The following MBP variants were observed in gnomAD, a reference collection of about 807,000 sequenced individuals.
The protein encoded by MBP is Golli-MBP.
In MBP, 16 loss-of-function variants were observed where a neutral mutation model predicts 35.8. That is an observed-to-expected ratio of 0.45 (90% CI 0.30 to 0.68). The LOEUF (loss-of-function observed/expected upper bound fraction) is 0.68, where lower values mean the gene tolerates loss of function less well. Ranked by LOEUF, MBP falls within the 30% of genes least tolerant of loss-of-function variation. The pLI, the probability that MBP is intolerant of heterozygous loss-of-function variation, is 0.08. For synonymous variants in MBP, 143 were observed against 159.6 expected (o/e 0.90, Z 0.78); for missense variants, 380 against 404.7 (o/e 0.94, Z 0.52).
intron 3 of MBP, among the ~76,000 whole-genome samples, chr18:77,022,933 C>T (rs1675828235): frequency 6.6e-6 from 1 of 152,214 alleles, no homozygotes; most frequent in Non-Finnish European, 1.5e-5. Context: ...CAGACTTTTA[C>T]ATTTGGATAT....
At chr18:77,027,451 C>CCCA (rs1208088811) in intron 3 of MBP, among the ~76,000 whole-genome samples, 1 of 152,222 alleles carries the variant, frequency 6.6e-6, no homozygotes, top group Non-Finnish European at 1.5e-5. Flanking sequence ...TCCCCCTGGG[C>CCCA]AGGGGCAGGG....
intron 2 of MBP, among the ~76,000 whole-genome samples, chr18:77,077,661 A>G (rs1018218985): frequency 2.0e-5 from 3 of 152,166 alleles, no homozygotes; most frequent in Non-Finnish European, 4.4e-5. Flanking sequence ...CGGTGGCCTC[A>G]GAAGGGCCTG....
In MBP at chr18:76,980,699, C is replaced by T. The variant is rs201862296; in HGVS notation, c.871-228G>A. ...TGTGAGAGAGAACTGGAATCGGATT[C>T]CCAGGCCCCAGGGAGTGGTGCCTGG... On this transcript the variant is annotated intron_variant, in intron 8 of 8. Coordinates refer to ENST00000355994, the MANE Select transcript of MBP (RefSeq NM_001025101.2). The T allele has an allele frequency of 4.4e-4, 244 of 552,540 alleles. 1 individual carries two copies. The East Asian group carries it at 5.3e-3, about 12-fold the overall frequency. 34.2% of individuals were successfully genotyped at this position (552,540 alleles called of 1,614,324 possible).
At chr18:77,110,785 C>T (rs1337704235) in intron 1 of MBP, among the ~76,000 whole-genome samples, 1 of 152,026 alleles carries the variant, frequency 6.6e-6, no homozygotes, top group Non-Finnish European at 1.5e-5. Context: ...CATGTTATAC[C>T]TAAACAGACA....
At chr18:77,086,479 C>T in intron 2 of MBP, among the ~76,000 whole-genome samples, 1 of 152,146 alleles carries the variant, frequency 6.6e-6, no homozygotes, top group Non-Finnish European at 1.5e-5. Context: ...GTAATCAAAT[C>T]AAGTTAGAAT....
intron 7 of MBP, chr18:76,985,099 G>T (rs9944893): frequency 3.9e-6 from 6 of 1,519,550 alleles, no homozygotes; most frequent in Non-Finnish European, 5.3e-6. Flanking sequence ...GGTGTTGGCC[G>T]CAGAGAGAGG....
In MBP at chr18:76,988,589, C is replaced by A; in HGVS notation, c.718-62G>T. On this transcript the variant is annotated intron_variant, in intron 6 of 8. Transcript: ENST00000355994. This position sits in a 1 kb window ranked among gnomAD's most constrained non-coding sequence, Gnocchi z 5.2. ...TCAGTGAAGGGAAAGTCCTTTCAAT[C>A]AACAGGAAACACAGTCAAAGCACAG... 6.4e-7 allele frequency: 1 copy of A among 1,573,286 alleles called. No homozygotes were observed. Among genetic ancestry groups the A allele is most frequent in the Non-Finnish European group, 8.6e-7 (1 of 1,160,486 alleles).
intron 2 of MBP, among the ~76,000 whole-genome samples, chr18:77,078,498 T>C (rs1283296591): frequency 2.0e-5 from 3 of 152,240 alleles, no homozygotes; most frequent in Admixed American, 6.5e-5. Context: ...AAACTGCTCA[T>C]CAGCTCCAGC....
intron 8 of MBP, 104 bp downstream of exon 8, chr18:76,984,671 G>T: frequency 6.6e-7 from 1 of 1,518,560 alleles, no homozygotes. Flanking sequence ...CCAGGGTACA[G>T]TGCGGCTGAG....
At chr18:77,082,018 A>AT (rs143059018) in intron 2 of MBP, among the ~76,000 whole-genome samples, 1 of 149,736 alleles carries the variant, frequency 6.7e-6, no homozygotes. Context: ...CGCCTGGCTA[A>AT]TTTTTTTGTA....
chr18:77,105,922 T>C (rs1976260222), intron 1 of MBP, among the ~76,000 whole-genome samples: 1 of 152,216 alleles, frequency 6.6e-6, no homozygotes, highest in South Asian at 2.1e-4. Context: ...TTTATGATTT[T>C]TCCCCAAGAT....
chr18:77,054,859 T>C (rs1486566526), intron 3 of MBP, among the ~76,000 whole-genome samples: 1 of 152,134 alleles, frequency 6.6e-6, no homozygotes. Flanking sequence ...CATGCACACA[T>C]CCTGTTTTCT....
At chr18:77,002,205 C>T (rs555370626) in intron 4 of MBP, among the ~76,000 whole-genome samples, 86 of 152,288 alleles carry the variant, frequency 5.6e-4, no homozygotes, top group Non-Finnish European at 8.4e-4. Context: ...GAGGCAACCA[C>T]GGCAGGGTCC....
At chr18:77,070,860 ACGT>A (rs1974412015) in intron 2 of MBP, among the ~76,000 whole-genome samples, 1 of 152,198 alleles carries the variant, frequency 6.6e-6, no homozygotes, top group African/African-American at 2.4e-5. Context: ...CACAGCCAGG[ACGT>A]CGGCGGGCGG....
chr18:77,022,194 C>T (rs1241729533), intron 3 of MBP, among the ~76,000 whole-genome samples: 1 of 152,178 alleles, frequency 6.6e-6, no homozygotes, highest in African/African-American at 2.4e-5. Context: ...CCTGCTCTCA[C>T]ATACATTACA....
intron 3 of MBP, among the ~76,000 whole-genome samples, chr18:77,054,625 C>T (rs1429453916): frequency 1.3e-5 from 2 of 152,176 alleles, no homozygotes; most frequent in Non-Finnish European, 2.9e-5. Context: ...TCAGAGCTTC[C>T]CTGGGTCCTT....
In MBP at chr18:77,101,132, C is replaced by T. The variant is rs1229875325; in HGVS notation, c.51+4079G>A. ...CTTACGTCCTAAGGACCAAGGACTG[C>T]CAGGCAGGCAAAGACTGCCTAAGAC... On this transcript the variant is annotated intron_variant, in intron 2 of 8. Transcript: ENST00000355994. The surrounding 1 kb of genome is among the most constrained non-coding windows in gnomAD (Gnocchi z 4.3). Among the ~76,000 whole-genome samples, 1 of 152,242 alleles carries T rather than the reference C, an allele frequency of 6.6e-6. No homozygotes were observed. Among genetic ancestry groups the T allele is most frequent in the African/African-American group, 2.4e-5 (1 of 41,470 alleles).
At chr18:77,010,851 A>T (rs1235398305) in intron 4 of MBP, among the ~76,000 whole-genome samples, 1 of 152,248 alleles carries the variant, frequency 6.6e-6, no homozygotes, top group African/African-American at 2.4e-5. Flanking sequence ...GCCCTGCAAG[A>T]AATGTCTATT....
intron 3 of MBP, among the ~76,000 whole-genome samples, chr18:77,041,162 G>C (rs1250352387): frequency 1.3e-5 from 2 of 152,160 alleles, no homozygotes; most frequent in South Asian, 4.2e-4. Flanking sequence ...ATGCAGCCAA[G>C]AGACACATGA....
Sources: allele counts gnomAD v4.1 joint callset (sites outside exome capture counted in the v4.1 genomes callset), GRCh38; gene constraint gnomAD v4.1.1; non-coding constraint Gnocchi (gnomAD v3.1); transcripts MANE v1.5; gene names NCBI Gene and HGNC (gene_info 2026-07-23, HGNC 2026-07-21).